IGSF21: variants seen among roughly 807,000 people sequenced by gnomAD.
The protein encoded by IGSF21 is immunoglobulin superfamily member 21.
IGSF21 carries 28 observed loss-of-function variants against 46.8 expected under a neutral mutation model. That is an observed-to-expected ratio of 0.60 (90% CI 0.44 to 0.82). The LOEUF is 0.82. Among genes scored for constraint, IGSF21 ranks in the 40% least tolerant of loss-of-function variants. The pLI, the probability that IGSF21 is intolerant of heterozygous loss-of-function variation, is 0.00. For synonymous variants in IGSF21, 284 were observed against 273.6 expected (o/e 1.04, Z -0.38); for missense variants, 624 against 665.5 (o/e 0.94, Z 0.69).
chr1:18,292,420 G>C (rs1446364706), intron 3 of IGSF21, among the ~76,000 whole-genome samples: 1 of 152,206 alleles, frequency 6.6e-6, no homozygotes, highest in Non-Finnish European at 1.5e-5. Flanking sequence ...AAGGCCATAA[G>C]GGCCCCGAGC....
intron 1 of IGSF21, among the ~76,000 whole-genome samples, chr1:18,134,806 C>A (rs1027593996): frequency 2.6e-5 from 4 of 152,218 alleles, no homozygotes; most frequent in Admixed American, 1.3e-4. Flanking sequence ...GGCTCCTCCC[C>A]GACTCAACCT....
chr1:18,276,140 A>G (rs1387420764), intron 2 of IGSF21, among the ~76,000 whole-genome samples: 1 of 152,194 alleles, frequency 6.6e-6, no homozygotes, highest in Non-Finnish European at 1.5e-5. Context: ...TGGAAGTTGC[A>G]TCCACACTTC....
intron 1 of IGSF21, among the ~76,000 whole-genome samples, chr1:18,188,225 C>T (rs189570139): frequency 5.5e-4 from 83 of 152,248 alleles, no homozygotes; most frequent in African/African-American, 1.9e-3. Flanking sequence ...GGAACTGCTC[C>T]GATCTCCCAG....
intron 2 of IGSF21, among the ~76,000 whole-genome samples, chr1:18,281,105 G>A (rs961976462): frequency 5.3e-5 from 8 of 152,240 alleles, no homozygotes; most frequent in African/African-American, 1.4e-4. Context: ...AGGTGTTTAT[G>A]AATGAAGAAA....
At chr1:18,293,200 C>T (rs747026681) in intron 3 of IGSF21, among the ~76,000 whole-genome samples, 1 of 152,210 alleles carries the variant, frequency 6.6e-6, no homozygotes, top group Non-Finnish European at 1.5e-5. Flanking sequence ...CCTTGCATCC[C>T]CAGCTCTCAG....
At chr1:18,320,725 C>G (rs1557642304) in intron 3 of IGSF21, among the ~76,000 whole-genome samples, 1 of 152,150 alleles carries the variant, frequency 6.6e-6, no homozygotes, top group Non-Finnish European at 1.5e-5. Context: ...GTTGATGGGC[C>G]CCTGGACTTG....
Position 18,322,298 on chromosome 1 carries a change from A to T in IGSF21, c.306-12594A>T, listed in dbSNP as rs1334972452. 6.6e-6 allele frequency among the ~76,000 whole-genome samples: 1 copy of T among 151,998 alleles called. No homozygotes were observed. The highest frequency in any genetic ancestry group is 2.4e-5 in the African/African-American group (1 of 41,372). On this transcript the variant is annotated intron_variant, in intron 3 of 9. Transcript: ENST00000251296. The surrounding 1 kb of genome is among the most constrained non-coding windows in gnomAD (Gnocchi z 4.3). Reference sequence around the variant, plus strand: ...GCACAGCCATGTTCATTGAAAAAAGATCATAGAAACAACAGGTTGAGGAAG... The same window carrying T: ...GCACAGCCATGTTCATTGAAAAAAGTTCATAGAAACAACAGGTTGAGGAAG...
chr1:18,257,105 T>A (rs2084900161), intron 2 of IGSF21, among the ~76,000 whole-genome samples: 1 of 152,224 alleles, frequency 6.6e-6, no homozygotes, highest in Admixed American at 6.5e-5. Flanking sequence ...GCCTCCATGA[T>A]AAGCTGATGG....
intron 1 of IGSF21, among the ~76,000 whole-genome samples, chr1:18,214,233 A>G (rs1203063957): frequency 6.6e-6 from 1 of 152,150 alleles, no homozygotes; most frequent in Non-Finnish European, 1.5e-5. Flanking sequence ...GAGAGGGGGA[A>G]TATTTCAAAA....
intron 1 of IGSF21, among the ~76,000 whole-genome samples, chr1:18,179,964 G>A (rs2086840547): frequency 1.3e-5 from 2 of 152,310 alleles, no homozygotes; most frequent in East Asian, 1.9e-4. Context: ...CAGGGCCTTC[G>A]CCTTAGCTCT....
At chr1:18,324,993 C>T (rs566753009) in intron 3 of IGSF21, among the ~76,000 whole-genome samples, 9 of 152,226 alleles carry the variant, frequency 5.9e-5, no homozygotes, top group East Asian at 1.9e-4. Context: ...GAGGATGAGA[C>T]AATTTGCTCT....
At chr1:18,377,719 G>A (rs1235255589) in intron 9 of IGSF21, among the ~76,000 whole-genome samples, 2 of 152,212 alleles carry the variant, frequency 1.3e-5, no homozygotes, top group African/African-American at 4.8e-5. Flanking sequence ...CTCAGAGCTT[G>A]ATCTCACTGC....
chr1:18,288,974 T>C (rs1193926621), intron 2 of IGSF21, among the ~76,000 whole-genome samples: 1 of 152,226 alleles, frequency 6.6e-6, no homozygotes, highest in Non-Finnish European at 1.5e-5. Flanking sequence ...GAAACTCCCC[T>C]GTCCCTCAGC....
chr1:18,178,545 A>G (rs11585514), intron 1 of IGSF21, among the ~76,000 whole-genome samples: 32,423 of 152,232 alleles, frequency 0.21, 4,022 homozygotes, highest in African/African-American at 0.35. Context: ...CATAAAATGC[A>G]TAGAACAGTG....
At chr1:18,167,928 ATTC>A (rs1464095136) in intron 1 of IGSF21, among the ~76,000 whole-genome samples, 1 of 151,846 alleles carries the variant, frequency 6.6e-6, no homozygotes, top group East Asian at 1.9e-4. Context: ...CACGTTCCTC[ATTC>A]TTCTCCCTGC....
chr1:18,209,965 G>C (rs1466482802), intron 1 of IGSF21, among the ~76,000 whole-genome samples: 1 of 151,936 alleles, frequency 6.6e-6, no homozygotes, highest in Non-Finnish European at 1.5e-5. Flanking sequence ...CCCCACCCCG[G>C]CCCACTTGCT....
intron 1 of IGSF21, among the ~76,000 whole-genome samples, chr1:18,118,037 G>A (rs2086202361): frequency 6.6e-6 from 1 of 152,184 alleles, no homozygotes; most frequent in Admixed American, 6.5e-5. Context: ...AATTGGGTGG[G>A]GACCTTGGCA....
chr1:18,164,763 C>T (rs141804345), intron 1 of IGSF21, among the ~76,000 whole-genome samples: 2,609 of 151,584 alleles, frequency 0.017, 72 homozygotes, highest in African/African-American at 0.059. Flanking sequence ...ACTTTAAGTT[C>T]TAGGGTACAT....
At chr1:18,147,043 T>C (rs1332123509) in intron 1 of IGSF21, among the ~76,000 whole-genome samples, 3 of 152,194 alleles carry the variant, frequency 2.0e-5, no homozygotes, top group Non-Finnish European at 4.4e-5. Context: ...ATCCTGCATC[T>C]GGATGACGCT....
Sources: gnomAD v4.1 joint callset for allele counts (sites outside exome capture counted in the v4.1 genomes callset) on GRCh38, gnomAD v4.1.1 for gene constraint, Gnocchi (gnomAD v3.1) non-coding constraint, MANE v1.5 for transcripts, NCBI Gene and HGNC (gene_info 2026-07-23, HGNC 2026-07-21) for gene names.